Variants in RSRC1 observed in about 807,000 individuals in gnomAD.
The protein encoded by RSRC1 is arginine and serine rich coiled-coil 1.
A neutral mutation model predicts 49.1 loss-of-function variants in RSRC1; 39 were observed. The ratio of observed to expected loss-of-function variants is 0.79; its 90% CI spans 0.61 to 1.04. The LOEUF is 1.04. Among genes scored for constraint, RSRC1 ranks in the 50% least tolerant of loss-of-function variants. The pLI is 0.00. For missense variants in RSRC1, 388 were observed against 402.4 expected (o/e 0.96, Z 0.31); for synonymous variants, 143 against 130.8 (o/e 1.09, Z -0.63).
chr3:158,346,509 A>G (rs1730562079), intron 5 of RSRC1, among the ~76,000 whole-genome samples: 1 of 152,234 alleles, frequency 6.6e-6, no homozygotes, highest in Non-Finnish European at 1.5e-5. Context: ...AGGAAGATAT[A>G]TGGATAATCA....
intron 3 of RSRC1, among the ~76,000 whole-genome samples, chr3:158,163,997 A>G (rs1181994906): frequency 6.6e-6 from 1 of 152,196 alleles, no homozygotes. Flanking sequence ...ATCTGTCTCT[A>G]TAATCAGAAA....
chr3:158,259,243 G>A (rs1403171797), intron 4 of RSRC1, among the ~76,000 whole-genome samples: 1 of 152,064 alleles, frequency 6.6e-6, no homozygotes, highest in Non-Finnish European at 1.5e-5. Flanking sequence ...TAGGGACTTG[G>A]GTGTTGCACT....
chr3:158,530,023 A>G (rs922947817), intron 7 of RSRC1, among the ~76,000 whole-genome samples: 4 of 151,294 alleles, frequency 2.6e-5, no homozygotes, highest in Non-Finnish European at 5.9e-5. Context: ...CACTGCTTCC[A>G]CTCCTTCTCT....
intron 6 of RSRC1, among the ~76,000 whole-genome samples, chr3:158,443,303 A>G (rs1346355326): frequency 1.3e-5 from 2 of 152,158 alleles, no homozygotes; most frequent in African/African-American, 4.8e-5. Context: ...TTTTGTCTGC[A>G]TTGAAAATCT....
intron 7 of RSRC1, among the ~76,000 whole-genome samples, chr3:158,523,022 G>A (rs903039989): frequency 6.6e-6 from 1 of 151,948 alleles, no homozygotes; most frequent in African/African-American, 2.4e-5. Flanking sequence ...CTCAACTTTT[G>A]GCTCTAAAAT....
chr3:158,473,108 A>G (rs1738206520), intron 7 of RSRC1, among the ~76,000 whole-genome samples: 1 of 152,198 alleles, frequency 6.6e-6, no homozygotes, highest in Non-Finnish European at 1.5e-5. Context: ...CAGTGTGGCG[A>G]TTCCTCGTGG....
At chr3:158,264,651 T>C (rs1333825042) in intron 4 of RSRC1, among the ~76,000 whole-genome samples, 1 of 152,254 alleles carries the variant, frequency 6.6e-6, no homozygotes, top group Non-Finnish European at 1.5e-5. Flanking sequence ...TTTTCAATCC[T>C]ATGAACATTC....
chr3:158,420,098 C>T (rs544851840), intron 6 of RSRC1, among the ~76,000 whole-genome samples: 5 of 151,936 alleles, frequency 3.3e-5, no homozygotes, highest in African/African-American at 7.2e-5. Flanking sequence ...AGACTACCTG[C>T]GTTGCTTCAC....
intron 3 of RSRC1, among the ~76,000 whole-genome samples, chr3:158,202,562 T>TTATATATATATGTATATATATATATA (rs1553768415): frequency 1.1e-5 from 1 of 92,024 alleles, no homozygotes; most frequent in African/African-American, 5.3e-5. Flanking sequence ...GTCTGGTAGA[T>TTATATATATATGTATATATATATATA]TATATATATA....
chr3:158,128,020 C>T (rs977511862), intron 3 of RSRC1, among the ~76,000 whole-genome samples: 21 of 152,266 alleles, frequency 1.4e-4, no homozygotes, highest in African/African-American at 4.6e-4. Context: ...GATGTCTTTT[C>T]TCAATGGTGC....
intron 3 of RSRC1, among the ~76,000 whole-genome samples, chr3:158,149,292 A>G (rs763358652): frequency 6.6e-6 from 1 of 152,200 alleles, no homozygotes. Context: ...TTTTCTCAGT[A>G]TATCCCACTT....
intron 6 of RSRC1, among the ~76,000 whole-genome samples, chr3:158,416,074 T>C (rs1424680534): frequency 2.0e-5 from 3 of 152,098 alleles, no homozygotes; most frequent in Non-Finnish European, 4.4e-5. Flanking sequence ...ATTTGTGCTC[T>C]CAAATGTAAT....
At chr3:158,338,032 A>G (rs527741748) in intron 5 of RSRC1, among the ~76,000 whole-genome samples, 1 of 152,346 alleles carries the variant, frequency 6.6e-6, no homozygotes, top group East Asian at 1.9e-4. Context: ...TACAAGCAGC[A>G]TCACTGAGGA....
chr3:158,292,778 A>G (rs1727013472), intron 4 of RSRC1, among the ~76,000 whole-genome samples: 1 of 152,150 alleles, frequency 6.6e-6, no homozygotes, highest in Non-Finnish European at 1.5e-5. Flanking sequence ...ACATTTCTAT[A>G]GTTTATTTTT....
intron 6 of RSRC1, among the ~76,000 whole-genome samples, chr3:158,402,600 A>T (rs1340978994): frequency 6.6e-6 from 1 of 151,882 alleles, no homozygotes; most frequent in African/African-American, 2.4e-5. Flanking sequence ...TCAGAAAATT[A>T]ATAGAGGCAG....
intron 7 of RSRC1, among the ~76,000 whole-genome samples, chr3:158,476,221 G>C (rs188051092): frequency 3.9e-5 from 6 of 152,278 alleles, no homozygotes; most frequent in African/African-American, 1.4e-4. Context: ...AGCAGAGCTT[G>C]ATTTGTGAGG....
chr3:158,384,551 G>C (rs1309115175), intron 6 of RSRC1, among the ~76,000 whole-genome samples: 1 of 152,084 alleles, frequency 6.6e-6, no homozygotes, highest in Non-Finnish European at 1.5e-5. Context: ...GCAGGTTTAA[G>C]ATGACCCATC....
intron 7 of RSRC1, among the ~76,000 whole-genome samples, chr3:158,463,058 C>T (rs1209644466): frequency 6.6e-6 from 1 of 152,004 alleles, no homozygotes; most frequent in African/African-American, 2.4e-5. Flanking sequence ...TGACCAATTT[C>T]CCTTTATTCT....
intron 4 of RSRC1, among the ~76,000 whole-genome samples, chr3:158,279,934 AAAG>A (rs1045291764): frequency 2.6e-5 from 4 of 152,224 alleles, no homozygotes; most frequent in Non-Finnish European, 5.9e-5. Context: ...ACTGACAGGA[AAAG>A]AAGACTGGTC....
Sources: allele counts gnomAD v4.1 joint callset (sites outside exome capture counted in the v4.1 genomes callset), GRCh38; gene constraint gnomAD v4.1.1; transcripts MANE v1.5; gene names NCBI Gene and HGNC (gene_info 2026-07-23, HGNC 2026-07-21).